Variants in SYNPR observed in about 807,000 individuals in gnomAD.
The protein encoded by SYNPR is synaptoporin.
Under a neutral mutation model 32.9 loss-of-function variants are expected in SYNPR, and 23 were observed. The observed-to-expected ratio is 0.70, with a 90% CI of 0.50 to 0.99. The LOEUF (loss-of-function observed/expected upper bound fraction) is 0.99. Ranked by LOEUF, SYNPR falls within the 50% of genes least tolerant of loss-of-function variation. The pLI is 0.00. For missense variants in SYNPR, 318 were observed against 349.3 expected (o/e 0.91, Z 0.71); for synonymous variants, 146 against 135.9 (o/e 1.07, Z -0.52).
intron 3 of SYNPR, 145 bp from the exon 4 acceptor site, chr3:63,556,398 G>C (rs1702594961): frequency 1.6e-6 from 1 of 626,304 alleles, no homozygotes. Flanking sequence ...TATAATGTCT[G>C]TAAATTTCTT....
chr3:63,267,508 TAGGATGGGAA>T (rs2086500181), intron 3 of SYNPR: 2 of 152,298 alleles, frequency 1.3e-5, no homozygotes, highest in South Asian at 4.1e-4. Context: ...GAAAATCTTT[TAGGATGGGAA>T]AGGATGGAGC....
intron 2 of SYNPR, among the ~76,000 whole-genome samples, chr3:63,340,621 G>T (rs546237764): frequency 2.7e-3 from 409 of 151,454 alleles, no homozygotes; most frequent in Non-Finnish European, 2.3e-3. Context: ...GGGTTTCACC[G>T]TTTTAGCCGG....
intron 2 of SYNPR, among the ~76,000 whole-genome samples, chr3:63,337,976 A>T (rs903116560): frequency 1.3e-5 from 2 of 152,122 alleles, no homozygotes; most frequent in African/African-American, 4.8e-5. Flanking sequence ...TGAACCATGC[A>T]GCACAAACAG....
intron 2 of SYNPR, among the ~76,000 whole-genome samples, chr3:63,280,668 C>A (rs1201557881): frequency 6.6e-6 from 1 of 152,110 alleles, no homozygotes; most frequent in Non-Finnish European, 1.5e-5. Context: ...TTCATTCACT[C>A]ATAAGAATTT....
chr3:63,378,925 G>A (rs901965270), intron 2 of SYNPR, among the ~76,000 whole-genome samples: 2 of 151,992 alleles, frequency 1.3e-5, no homozygotes, highest in Non-Finnish European at 2.9e-5. Context: ...TAAGTGGTTT[G>A]TATTATAAGT....
rs6766362 is a variant in SYNPR, at chr3:63,597,351, A to G, written c.409-11774A>G. ...AGAAGACAAACATACAAATGAATCA[A>G]TAGAAAATAAACAGTGCTGTATTCT... On this transcript the variant is annotated intron_variant, in intron 4 of 5. Coordinates refer to ENST00000478300, the MANE Select transcript of SYNPR (RefSeq NM_001130003.2). Among the ~76,000 whole-genome samples the G allele has an allele frequency of 5.0e-3, 757 of 152,320 alleles. 6 individuals are homozygous for G. Among genetic ancestry groups the G allele is most frequent in the African/African-American group, 0.017 (701 of 41,582 alleles).
At chr3:63,250,069 A>G (rs1438268421) in intron 1 of SYNPR, among the ~76,000 whole-genome samples, 1 of 152,108 alleles carries the variant, frequency 6.6e-6, no homozygotes, top group Non-Finnish European at 1.5e-5. Context: ...TAGTTAACAG[A>G]TACAAAATTA....
At chr3:63,402,872 C>T (rs184902678) in intron 2 of SYNPR, among the ~76,000 whole-genome samples, 2 of 152,258 alleles carry the variant, frequency 1.3e-5, no homozygotes, top group Non-Finnish European at 2.9e-5. Flanking sequence ...GTGGAAGTAC[C>T]AGGTGCTGTG....
At chr3:63,260,918 C>A (rs1268815428) in intron 2 of SYNPR, among the ~76,000 whole-genome samples, 1 of 151,636 alleles carries the variant, frequency 6.6e-6, no homozygotes, top group African/African-American at 2.4e-5. Context: ...TATGAACAGA[C>A]ACTTCTCAAA....
At chr3:63,466,447 A>C (rs1043170294) in intron 2 of SYNPR, among the ~76,000 whole-genome samples, 2 of 145,458 alleles carry the variant, frequency 1.4e-5, no homozygotes, top group Non-Finnish European at 3.0e-5. Context: ...GCACAAATTC[A>C]GGATTTGTTT....
the SYNPR span, among the ~76,000 whole-genome samples, chr3:63,202,851 G>C: frequency 1.3e-5 from 2 of 151,874 alleles, no homozygotes; most frequent in South Asian, 4.2e-4. Flanking sequence ...CTTGACCATG[G>C]AATGTTTTCC....
At chr3:63,450,713 T>C (rs1325754689) in intron 2 of SYNPR, among the ~76,000 whole-genome samples, 1 of 152,080 alleles carries the variant, frequency 6.6e-6, no homozygotes, top group Non-Finnish European at 1.5e-5. Flanking sequence ...CTGGTAGACA[T>C]GAAAAACACA....
chr3:63,261,504 G>C (rs2086437445), intron 2 of SYNPR, among the ~76,000 whole-genome samples: 1 of 145,012 alleles, frequency 6.9e-6, no homozygotes, highest in African/African-American at 2.6e-5. Flanking sequence ...CTCATAGCTG[G>C]GAATTGAACA....
intron 2 of SYNPR, among the ~76,000 whole-genome samples, chr3:63,447,798 A>G (rs1000563639): frequency 1.8e-4 from 28 of 152,038 alleles, no homozygotes; most frequent in Middle Eastern, 3.4e-3. Context: ...AAAATTGTTC[A>G]GGGGCAACTC....
intron 4 of SYNPR, among the ~76,000 whole-genome samples, chr3:63,560,947 G>T (rs1243385005): frequency 6.6e-6 from 1 of 152,072 alleles, no homozygotes; most frequent in Non-Finnish European, 1.5e-5. Context: ...ACTTCATTTT[G>T]GTTGCCATCT....
At chr3:63,273,949 G>T (rs978926583), upstream of SYNPR, among the ~76,000 whole-genome samples, 2 of 152,068 alleles carry the variant, frequency 1.3e-5, no homozygotes, top group South Asian at 2.1e-4. Flanking sequence ...ACAATCTCCT[G>T]TCCTGTGTAC....
chr3:63,565,155 A>G (rs1250096399), intron 4 of SYNPR, among the ~76,000 whole-genome samples: 1 of 152,194 alleles, frequency 6.6e-6, no homozygotes, highest in Non-Finnish European at 1.5e-5. Context: ...ATACCCAGAG[A>G]AAACTTGGCT....
At chr3:63,478,622 C>T (rs908208802) in intron 2 of SYNPR, among the ~76,000 whole-genome samples, 1 of 152,102 alleles carries the variant, frequency 6.6e-6, no homozygotes, top group Non-Finnish European at 1.5e-5. Context: ...TGACTCCTGC[C>T]CCCAGAGAAA....
rs750900461 is a variant in SYNPR at position 63,615,301 on chromosome 3, G to A, written c.678G>A (p.Ser226=). Residue 226 remains serine, a synonymous_variant, in exon 6 of 6, where the codon TCG becomes TCA. Coordinates refer to ENST00000478300, the MANE Select transcript of SYNPR (RefSeq NM_001130003.2). ...FVFKETGWHS[S]GQRYLSDPME... ...TCAAGGAGACCGGCTGGCATTCTTCGGGACAGAGATATCTTTCAGATCCAA... is the reference window on the plus strand; with the variant it reads ...TCAAGGAGACCGGCTGGCATTCTTCAGGACAGAGATATCTTTCAGATCCAA... 27 of 1,613,586 alleles carry A rather than the reference G, an allele frequency of 1.7e-5. No individual in the cohort carries two copies. The highest frequency in any genetic ancestry group is 9.4e-5 in the African/African-American group (7 of 74,848).
Sources: gnomAD v4.1 joint callset for allele counts (sites outside exome capture counted in the v4.1 genomes callset) on GRCh38, gnomAD v4.1.1 for gene constraint, MANE v1.5 for transcripts, NCBI Gene and HGNC (gene_info 2026-07-23, HGNC 2026-07-21) for gene names.